Variants in ZFP14 observed in about 807,000 individuals in gnomAD.
ZFP14 encodes ZFP14 zinc finger protein.
ZFP14 carries 22 observed loss-of-function variants against 54.5 expected under a neutral mutation model. That is an observed-to-expected ratio of 0.40 (90% CI 0.29 to 0.58). ZFP14 has a LOEUF of 0.58. Ranked by LOEUF, ZFP14 falls within the 20% of genes least tolerant of loss-of-function variation. The pLI, the probability that ZFP14 is intolerant of heterozygous loss-of-function variation, is 0.39. For missense variants in ZFP14, 470 were observed against 637.8 expected (o/e 0.74, Z 2.83); for synonymous variants, 159 against 204.0 (o/e 0.78, Z 1.88).
chr19:36,341,431 T>TC lies in ZFP14; in HGVS notation c.394dup (p.Glu132GlyfsTer17). The TC allele has an allele frequency of 1.2e-6, 2 of 1,614,120 alleles. No individual in the cohort carries two copies. The highest frequency in any genetic ancestry group is 1.7e-6 in the Non-Finnish European group (2 of 1,180,038). ...AAAATATCCCTCTTGTTGTTCCTTT[T>TC]CCCCCTCAATCTTGCTTTTGCATTC... On this transcript the variant is annotated frameshift_variant, in exon 5 of 5. Coordinates refer to ENST00000270001, the MANE Select transcript of ZFP14 (RefSeq NM_020917.3). LOFTEE classifies it high-confidence loss of function. The surrounding 1 kb of genome is among the most constrained non-coding windows in gnomAD (Gnocchi z 4.2).
rs754867505 is a variant in ZFP14, at chr19:36,341,500, A to G, written c.326T>C (p.Ile109Thr). 1.2e-6 allele frequency: 2 copies of G among 1,613,404 alleles called. No homozygotes were observed. The highest frequency in any genetic ancestry group is 4.5e-5 in the East Asian group (2 of 44,872). ...GGAACCCTGAAGGCTATAGCTTTTAATTCTTTCCATTATATCCCACTGAAA... is the reference window on the plus strand; with the variant it reads ...GGAACCCTGAAGGCTATAGCTTTTAGTTCTTTCCATTATATCCCACTGAAA... ...YSFQWDIMER[I>T]KSYSLQGSIF... Residue 109 changes from isoleucine to threonine, a missense_variant, in exon 5 of 5, where the codon ATT becomes ACT. Ile to Thr is a moderately conservative substitution (Grantham distance 89). Coordinates refer to ENST00000270001, the MANE Select transcript of ZFP14 (RefSeq NM_020917.3). The surrounding 1 kb of genome is among the most constrained non-coding windows in gnomAD (Gnocchi z 4.2).
intron 1 of ZFP14, among the ~76,000 whole-genome samples, chr19:36,376,685 GA>G (rs1193915927): frequency 6.6e-6 from 1 of 152,162 alleles, no homozygotes; most frequent in Non-Finnish European, 1.5e-5. Context: ...GGGTGATGAG[GA>G]AAAATATTAA....
At chr19:36,349,984 A>ACT (rs2031497727) in intron 4 of ZFP14, among the ~76,000 whole-genome samples, 19 of 140,108 alleles carry the variant, frequency 1.4e-4, no homozygotes, top group Admixed American at 4.5e-4. Flanking sequence ...GCATGGTGAA[A>ACT]CCCTGTCTCT....
chr19:36,362,967 T>C (rs10415775), intron 2 of ZFP14: 3,512 of 170,230 alleles, frequency 0.021, 96 homozygotes, highest in African/African-American at 0.077. Flanking sequence ...TATTAGATTC[T>C]TTTTTCTTTA....
intron 2 of ZFP14, among the ~76,000 whole-genome samples, chr19:36,364,679 T>C (rs933387768): frequency 2.0e-5 from 3 of 152,134 alleles, no homozygotes; most frequent in Non-Finnish European, 2.9e-5. Flanking sequence ...TTACATAGTA[T>C]AGGGTCTCAA....
chr19:36,340,322 GA>G lies in ZFP14; in HGVS notation c.1503del (p.His502IlefsTer52). 1 of 1,614,072 alleles carries G rather than the reference GA, an allele frequency of 6.2e-7. No homozygotes were observed. Among genetic ancestry groups the G allele is most frequent in the African/African-American group, 1.3e-5 (1 of 75,052 alleles). ...CACTTGTAGGGCTTCTCACCAGTAT[GA>G]ATTCTCTGGTGTTGAGTAAGAAATG... ...LYSFLTQHQR[I>X]HTGEKPYKCK... On this transcript the variant is annotated frameshift_variant, in exon 5 of 5. Coordinates refer to ENST00000270001, the MANE Select transcript of ZFP14 (RefSeq NM_020917.3). LOFTEE classifies it high-confidence loss of function. The surrounding 1 kb of genome is among the most constrained non-coding windows in gnomAD (Gnocchi z 5.4).
rs2031304298 is a variant in ZFP14 at position 36,341,118 on chromosome 19, G to A, written c.708C>T (p.Ala236=). 6.2e-7 allele frequency: 1 copy of A among 1,612,832 alleles called. No individual in the cohort carries two copies. Among genetic ancestry groups the A allele is most frequent in the African/African-American group, 1.3e-5 (1 of 74,622 alleles). The stretch of plus-strand genomic sequence containing the variant: ...GAGTAAGTTCTTGGAGCACTGTAAA[G>A]GCCTTCCCACACTCCTTACATTCAT... The part of the protein sequence containing the change: ...KPYECKECGK[A]FTVLQELTQH... The change falls in exon 5 of 5, where the codon GCC becomes GCT. Residue 236 remains alanine (A), a synonymous_variant. Coordinates refer to ENST00000270001, the MANE Select transcript of ZFP14 (RefSeq NM_020917.3). This position sits in a 1 kb window ranked among gnomAD's most constrained non-coding sequence, Gnocchi z 4.2.
intron 4 of ZFP14, among the ~76,000 whole-genome samples, chr19:36,343,034 G>A (rs1165331374): frequency 6.6e-6 from 1 of 152,192 alleles, no homozygotes; most frequent in Non-Finnish European, 1.5e-5. Flanking sequence ...CAGGAGTGCA[G>A]GCAGGGCTGG....
intron 3 of ZFP14, 134 bp downstream of exon 3, chr19:36,361,978 G>T: frequency 1.0e-6 from 1 of 981,524 alleles, no homozygotes; most frequent in Non-Finnish European, 1.4e-6. Flanking sequence ...ATGAAATGGA[G>T]AGGCCTAGTT....
At chr19:36,366,427 G>A (rs543608545) in intron 2 of ZFP14, among the ~76,000 whole-genome samples, 2 of 152,164 alleles carry the variant, frequency 1.3e-5, no homozygotes, top group African/African-American at 2.4e-5. Flanking sequence ...CTAGTCATTC[G>A]CCCACCTCAG....
chr19:36,376,569 C>A (rs1287426658), intron 1 of ZFP14, among the ~76,000 whole-genome samples: 2 of 151,832 alleles, frequency 1.3e-5, no homozygotes, highest in East Asian at 1.9e-4. Flanking sequence ...AAAAAAAATT[C>A]TTCGCAGCCC....
intron 4 of ZFP14, among the ~76,000 whole-genome samples, chr19:36,348,817 A>G (rs1012797889): frequency 2.6e-5 from 4 of 152,160 alleles, no homozygotes; most frequent in Admixed American, 1.3e-4. Context: ...CTCAGAGGAA[A>G]TAACACCAAT....
At chr19:36,375,747 T>C (rs1361902107) in intron 1 of ZFP14, among the ~76,000 whole-genome samples, 1 of 151,924 alleles carries the variant, frequency 6.6e-6, no homozygotes, top group East Asian at 1.9e-4. Flanking sequence ...TTAGTAGAGA[T>C]GGGGTTTCAC....
In ZFP14 at chr19:36,341,525, A is replaced by G; in HGVS notation, c.301T>C (p.Phe101Leu). The G allele has an allele frequency of 6.2e-7, 1 of 1,607,774 alleles. No homozygotes were observed. Among genetic ancestry groups the G allele is most frequent in the Non-Finnish European group, 8.5e-7 (1 of 1,178,414 alleles). ...PEKDIYEIYSFQWDIMERIKS... is the reference protein window; with the variant it reads ...PEKDIYEIYSLQWDIMERIKS... ...ATTCTTTCCATTATATCCCACTGAA[A>G]TGAATATATTTCATAAATGTCCTTT... The change falls in exon 5 of 5, where the codon TTT (phenylalanine) becomes CTT (leucine). Residue 101 changes from phenylalanine (F) to leucine (L), a missense_variant. By Grantham distance (22) the Phe-to-Leu change is conservative. Transcript: ENST00000270001. This position sits in a 1 kb window ranked among gnomAD's most constrained non-coding sequence, Gnocchi z 4.2.
rs2031261717 is a variant in ZFP14, at chr19:36,339,176, C to T, written c.*1048G>A. On this transcript the variant is annotated 3_prime_UTR_variant, in exon 5 of 5. Transcript: ENST00000270001. Reference sequence around the variant, plus strand: ...ATAATTTCTGAGAGGTGACAGGAGGCATTTCTACATTTATTATGTCTACAG... The same window carrying T: ...ATAATTTCTGAGAGGTGACAGGAGGTATTTCTACATTTATTATGTCTACAG... The T allele has an allele frequency of 2.0e-5, 3 of 152,172 alleles. No individual in the cohort carries two copies. The South Asian group carries it at 6.2e-4, about 32-fold the overall frequency. 9.4% of individuals were successfully genotyped at this position (152,172 alleles called of 1,614,324 possible).
intron 1 of ZFP14, chr19:36,378,199 A>C (rs1399303845): frequency 2.6e-5 from 4 of 152,226 alleles, no homozygotes; most frequent in African/African-American, 9.6e-5. Flanking sequence ...GCTGTTTCCG[A>C]GGTGAGATTA....
intron 4 of ZFP14, among the ~76,000 whole-genome samples, chr19:36,342,930 C>T (rs561383324): frequency 4.6e-5 from 7 of 152,172 alleles, no homozygotes; most frequent in Non-Finnish European, 1.0e-4. Context: ...CTACATTATA[C>T]ACAATTCTTT....
rs1393074189 is a variant in ZFP14, at chr19:36,356,147, T to TTC, written c.235+4287_235+4288insGA. On this transcript the variant is annotated intron_variant, in intron 4 of 4. Transcript: ENST00000270001. Reference sequence around the variant, plus strand: ...TAGCACAATATTCAAAACAAGAAATTAATGGGGCTGGGCGCAGTAGCTCAT... The same window carrying TTC: ...TAGCACAATATTCAAAACAAGAAATTTCAATGGGGCTGGGCGCAGTAGCTCAT... 3.2e-4 allele frequency among the ~76,000 whole-genome samples: 33 copies of TTC among 101,572 alleles called. 2 individuals are homozygous for TTC. Among genetic ancestry groups the TTC allele is most frequent in the East Asian group, 8.6e-4 (3 of 3,502 alleles). 66.6% of individuals were successfully genotyped at this position (101,572 alleles called of 152,430 possible). A position where few individuals can be genotyped will look rare whatever the true frequency, so the allele number is the denominator to read the frequency against.
At chr19:36,358,412 G>T (rs1451452492) in intron 4 of ZFP14, among the ~76,000 whole-genome samples, 1 of 151,966 alleles carries the variant, frequency 6.6e-6, no homozygotes, top group Non-Finnish European at 1.5e-5. Flanking sequence ...CACCCGGCCT[G>T]ATTTTTTAAT....
Sources: allele counts gnomAD v4.1 joint callset (sites outside exome capture counted in the v4.1 genomes callset), GRCh38; gene constraint gnomAD v4.1.1; non-coding constraint Gnocchi (gnomAD v3.1); transcripts MANE v1.5; gene names NCBI Gene and HGNC (gene_info 2026-07-23, HGNC 2026-07-21).